Variants in ABI3BP observed in about 807,000 individuals in gnomAD.
ABI3BP encodes target of Nesh-SH3.
Under a neutral mutation model 268.6 loss-of-function variants are expected in ABI3BP, and 216 were observed. The ratio of observed to expected loss-of-function variants is 0.80; its 90% CI spans 0.72 to 0.90. The LOEUF (loss-of-function observed/expected upper bound fraction) is 0.90, where lower values mean the gene tolerates loss of function less well. Ranked by LOEUF, ABI3BP falls within the 40% of genes least tolerant of loss-of-function variation. The pLI is 0.00. For missense variants in ABI3BP, 2,090 were observed against 2,182.4 expected (o/e 0.96, Z 0.84); for synonymous variants, 730 against 730.0 (o/e 1.00, Z 0.00).
rs367601033 is a variant in ABI3BP, at chr3:100,810,636, T to TAA, written c.3542-161_3542-160dup. On this transcript the variant is annotated intron_variant, in intron 48 of 67. Coordinates refer to ENST00000471714, the MANE Select transcript of ABI3BP (RefSeq NM_001375547.2). ...CCTACTCCTTCATAATGCATTTGGTTAAAAAAAAATGGTTGCAGATGCAGC... is the reference window on the plus strand; with the variant it reads ...CCTACTCCTTCATAATGCATTTGGTTAAAAAAAAAAATGGTTGCAGATGCAGC... Among the ~76,000 whole-genome samples the TAA allele has an allele frequency of 4.5e-3, 681 of 150,972 alleles. 6 individuals are homozygous for TAA. Among genetic ancestry groups the TAA allele is most frequent in the African/African-American group, 0.016 (658 of 41,196 alleles).
At chr3:100,844,039 T>G (rs2098739731) in intron 20 of ABI3BP, 1 of 980,872 alleles carries the variant, frequency 1.0e-6, no homozygotes, top group African/African-American at 1.8e-5. Flanking sequence ...GGTCTATGTT[T>G]AGTAAAAATA....
chr3:100,801,204 T>G (rs2152337916), intron 51 of ABI3BP, among the ~76,000 whole-genome samples: 1 of 151,988 alleles, frequency 6.6e-6, no homozygotes. Context: ...AAGAAACATT[T>G]TAAAGACTCA....
At chr3:100,926,538 C>T in intron 1 of ABI3BP, 57 bp from the exon 2 acceptor site, 1 of 1,503,764 alleles carries the variant, frequency 6.6e-7, no homozygotes, top group South Asian at 1.2e-5. Flanking sequence ...AGCATCCTAC[C>T]CAACTTCCCA....
chr3:100,788,237 A>C (rs2097106969), intron 56 of ABI3BP, among the ~76,000 whole-genome samples: 1 of 152,164 alleles, frequency 6.6e-6, no homozygotes, highest in Admixed American at 6.6e-5. Context: ...GGGAATCCCT[A>C]GGTACAGAGG....
chr3:100,889,604 G>A (rs1459323777), intron 4 of ABI3BP, among the ~76,000 whole-genome samples: 1 of 152,100 alleles, frequency 6.6e-6, no homozygotes, highest in Non-Finnish European at 1.5e-5. Flanking sequence ...AATACAGGTA[G>A]TAGTCTATGA....
Position 100,832,293 on chromosome 3 carries a change from G to A in ABI3BP, c.2372C>T (p.Pro791Leu). 6.5e-7 allele frequency: 1 copy of A among 1,535,542 alleles called. No homozygotes were observed. The highest frequency in any genetic ancestry group is 8.7e-7 in the Non-Finnish European group (1 of 1,146,548). Residue 791 changes from proline (P) to leucine (L), a missense_variant, in exon 31 of 68, where the codon CCC becomes CTC. Pro to Leu is a moderately conservative substitution (Grantham distance 98). Transcript: ENST00000471714. Reference protein sequence around the residue: ...RRPHPKPKTTPHPEVPQTKLV... With the variant: ...RRPHPKPKTTLHPEVPQTKLV... ...TTTAGTTTGAGGTACTTCTGGATGGGGCGTGGTTTTAGGTTTGGGATGTGG... is the reference window on the plus strand; with the variant it reads ...TTTAGTTTGAGGTACTTCTGGATGGAGCGTGGTTTTAGGTTTGGGATGTGG...
At chr3:100,856,648 CTTTA>C (rs1192141539) in intron 14 of ABI3BP, among the ~76,000 whole-genome samples, 4 of 152,132 alleles carry the variant, frequency 2.6e-5, no homozygotes, top group Admixed American at 2.6e-4. Context: ...CAAGCATTGT[CTTTA>C]TTTGCTTTTG....
chr3:100,775,948 G>A (rs1327195287), intron 59 of ABI3BP, among the ~76,000 whole-genome samples: 2 of 152,140 alleles, frequency 1.3e-5, no homozygotes, highest in Non-Finnish European at 2.9e-5. Context: ...CATGAGAGCT[G>A]TCAGGAGACT....
chr3:100,811,024 A>C (rs565506863), intron 48 of ABI3BP, among the ~76,000 whole-genome samples: 1 of 152,304 alleles, frequency 6.6e-6, no homozygotes, highest in Admixed American at 6.5e-5. Context: ...AAGAGAAAAA[A>C]AGCAAAGTCT....
intron 4 of ABI3BP, among the ~76,000 whole-genome samples, chr3:100,888,468 T>C (rs1043599641): frequency 2.0e-5 from 3 of 152,108 alleles, no homozygotes; most frequent in Non-Finnish European, 4.4e-5. Context: ...TCTGAGGACT[T>C]AACTGCTTTC....
intron 65 of ABI3BP, among the ~76,000 whole-genome samples, 196 bp from the exon 66 acceptor site, chr3:100,753,144 C>T (rs72930614): frequency 0.041 from 6,174 of 152,094 alleles, 374 homozygotes; most frequent in African/African-American, 0.13. Context: ...CTGAGAGCAG[C>T]ATGTTAAGGT....
rs754303491 is a variant in ABI3BP at position 100,945,118 on chromosome 3, GA to G, written c.80-18638del. Among the ~76,000 whole-genome samples the G allele has an allele frequency of 2.0e-5, 3 of 151,938 alleles. No individual in the cohort carries two copies. In the East Asian group the frequency reaches 5.8e-4, roughly 29 times the overall value. The stretch of plus-strand genomic sequence containing the variant: ...AAAAGTGTCTCTAACATCTCATCCA[GA>G]AAAAATACTATCTTCCTACTAAAGT... On this transcript the variant is annotated intron_variant, in intron 1 of 67. Transcript: ENST00000471714.
At chr3:100,900,816 T>C (rs574055683) in intron 3 of ABI3BP, among the ~76,000 whole-genome samples, 8 of 152,234 alleles carry the variant, frequency 5.3e-5, no homozygotes, top group South Asian at 2.1e-4. Context: ...CTGAGCAAGA[T>C]GAAGCAATTT....
chr3:100,784,146 A>G (rs1258055694), intron 57 of ABI3BP, among the ~76,000 whole-genome samples: 1 of 152,242 alleles, frequency 6.6e-6, no homozygotes, highest in East Asian at 1.9e-4. Context: ...TGAGCTCAAG[A>G]TATTCCTGGG....
In ABI3BP at chr3:100,826,846, C is replaced by T. The variant is rs142257924; in HGVS notation, c.2603-1002G>A. Among the ~76,000 whole-genome samples, 20 of 152,162 alleles carry T rather than the reference C, an allele frequency of 1.3e-4. No homozygotes were observed. The East Asian group carries it at 3.7e-3, about 28-fold the overall frequency. On this transcript the variant is annotated intron_variant, in intron 34 of 67. Transcript: ENST00000471714. The stretch of plus-strand genomic sequence containing the variant: ...TAGTGTGGAAGAAAGACTTTTGATG[C>T]TCATGAGAACAATGTCAGACTCAAT...
chr3:100,917,306 C>T (rs1033535289), intron 2 of ABI3BP, among the ~76,000 whole-genome samples: 2 of 152,134 alleles, frequency 1.3e-5, no homozygotes, highest in African/African-American at 4.8e-5. Context: ...CTAATGCTGG[C>T]TTTCATGGCA....
chr3:100,820,338 C>T (rs182282783), intron 39 of ABI3BP, 35 bp from the exon 40 acceptor site: 63 of 1,495,056 alleles, frequency 4.2e-5, no homozygotes, highest in Admixed American at 7.9e-5. Flanking sequence ...CTACAGAGTC[C>T]GTAGCTCCGA....
In ABI3BP at chr3:100,965,680, T is replaced by G. The variant is rs532168833; in HGVS notation, c.79+27626A>C. Among the ~76,000 whole-genome samples the G allele has an allele frequency of 4.6e-5, 7 of 151,980 alleles. No homozygotes were observed. The South Asian group carries it at 1.5e-3, about 32-fold the overall frequency. ...AATCATGGTGTGTTAATGGTGGCCT[T>G]GGGGATTGTAACAGATGTGTGTGTG... On this transcript the variant is annotated intron_variant, in intron 1 of 67. Coordinates refer to ENST00000471714, the MANE Select transcript of ABI3BP (RefSeq NM_001375547.2).
intron 2 of ABI3BP, chr3:100,911,601 T>C: frequency 1.5e-6 from 1 of 680,706 alleles, no homozygotes; most frequent in East Asian, 2.5e-5. Context: ...TTTAGAGCTG[T>C]GTGTTTTTAC....
Sources: allele counts gnomAD v4.1 joint callset (sites outside exome capture counted in the v4.1 genomes callset), GRCh38; gene constraint gnomAD v4.1.1; transcripts MANE v1.5; gene names NCBI Gene and HGNC (gene_info 2026-07-23, HGNC 2026-07-21).